RPS6KC1: variants seen among roughly 807,000 people sequenced by gnomAD.
RPS6KC1 encodes inactive ribosomal protein S6 kinase delta-1.
In RPS6KC1, 54 loss-of-function variants were observed where a neutral mutation model predicts 103.8. That is an observed-to-expected ratio of 0.52 (90% CI 0.42 to 0.65). The LOEUF (loss-of-function observed/expected upper bound fraction) is 0.65. RPS6KC1 is among the 30% of genes least tolerant of loss of function. RPS6KC1 has a pLI of 0.00. For missense variants in RPS6KC1, 1,151 were observed against 1,253.8 expected (o/e 0.92, Z 1.24); for synonymous variants, 439 against 438.7 (o/e 1.00, Z -0.01).
intron 8 of RPS6KC1, among the ~76,000 whole-genome samples, chr1:213,185,815 A>G (rs984649111): frequency 6.6e-6 from 1 of 150,392 alleles, no homozygotes; most frequent in African/African-American, 2.4e-5. Flanking sequence ...CTTTGTGGGT[A>G]AGTACTTTTC....
the RPS6KC1 span, among the ~76,000 whole-genome samples, chr1:213,716,878 AGTTT>A: frequency 2.6e-5 from 4 of 152,222 alleles, no homozygotes; most frequent in Admixed American, 1.3e-4. Context: ...TACTTGGGGA[AGTTT>A]GTTTATGTTT....
the RPS6KC1 span, among the ~76,000 whole-genome samples, chr1:213,415,249 A>G: frequency 1.1e-4 from 17 of 152,360 alleles, no homozygotes; most frequent in Non-Finnish European, 2.2e-4. Flanking sequence ...ATCGCAATTC[A>G]TACCAACTTA....
At chr1:213,057,702 G>T (rs1291178915) in intron 1 of RPS6KC1, among the ~76,000 whole-genome samples, 8 of 127,642 alleles carry the variant, frequency 6.3e-5, no homozygotes, top group Admixed American at 1.6e-4. Context: ...TATGACATTT[G>T]TAAATATTTT....
At chr1:213,255,294 C>G (rs897045585) in intron 12 of RPS6KC1, among the ~76,000 whole-genome samples, 43 of 151,018 alleles carry the variant, frequency 2.8e-4, no homozygotes, top group Non-Finnish European at 5.8e-4. Context: ...CCACTGCACT[C>G]CAGCCTAGGT....
At chr1:213,453,881 T>C in the RPS6KC1 span, among the ~76,000 whole-genome samples, 2 of 152,194 alleles carry the variant, frequency 1.3e-5, no homozygotes, top group Non-Finnish European at 2.9e-5. Context: ...TATACATGGA[T>C]ATTTTTCAAA....
chr1:213,435,971 T>A, the RPS6KC1 span, among the ~76,000 whole-genome samples: 1 of 152,110 alleles, frequency 6.6e-6, no homozygotes, highest in African/African-American at 2.4e-5. Context: ...CTGCTGCACA[T>A]CCTGGAATCC....
intron 6 of RPS6KC1, among the ~76,000 whole-genome samples, chr1:213,149,104 C>T (rs1223138676): frequency 1.3e-5 from 2 of 151,716 alleles, no homozygotes; most frequent in East Asian, 1.9e-4. Flanking sequence ...ATTTTGCTTA[C>T]GTTTTCAAAA....
chr1:213,161,010 G>A (rs749846908), intron 6 of RPS6KC1, among the ~76,000 whole-genome samples: 13 of 152,038 alleles, frequency 8.6e-5, no homozygotes, highest in Non-Finnish European at 1.6e-4. Context: ...AAAAAATAGT[G>A]GTGGCAAGTA....
the RPS6KC1 span, among the ~76,000 whole-genome samples, chr1:213,300,095 G>A: frequency 7.9e-5 from 12 of 152,038 alleles, no homozygotes; most frequent in South Asian, 4.1e-4. Flanking sequence ...GTGAGCCACC[G>A]CACCCCGCCG....
the RPS6KC1 span, among the ~76,000 whole-genome samples, chr1:213,815,660 T>C: frequency 6.6e-6 from 1 of 152,230 alleles, no homozygotes; most frequent in Non-Finnish European, 1.5e-5. Context: ...AGGCTTTGAC[T>C]CTAAGGGAAT....
intron 9 of RPS6KC1, 59 bp downstream of exon 9, chr1:213,230,603 G>T: frequency 7.7e-7 from 1 of 1,302,412 alleles, no homozygotes; most frequent in Middle Eastern, 2.2e-4. Context: ...GGGAGACTGA[G>T]ATAGGCAGGT....
At chr1:213,069,584 T>G (rs1163005287) in intron 1 of RPS6KC1, among the ~76,000 whole-genome samples, 1 of 152,200 alleles carries the variant, frequency 6.6e-6, no homozygotes, top group African/African-American at 2.4e-5. Flanking sequence ...TGGATTATAA[T>G]CCCTAGTTCA....
At chr1:213,096,668 GA>G (rs1039419610) in intron 3 of RPS6KC1, among the ~76,000 whole-genome samples, 78 of 142,510 alleles carry the variant, frequency 5.5e-4, no homozygotes, top group East Asian at 1.6e-3. Context: ...CTGTATCAAA[GA>G]AAAAAAAAAA....
intron 1 of RPS6KC1, among the ~76,000 whole-genome samples, chr1:213,059,963 G>A (rs371614292): frequency 2.6e-5 from 4 of 152,102 alleles, no homozygotes; most frequent in African/African-American, 7.2e-5. Context: ...GAGCCACTGC[G>A]CCTGGCCACA....
intron 3 of RPS6KC1, among the ~76,000 whole-genome samples, chr1:213,101,192 A>G (rs1277866257): frequency 1.3e-5 from 2 of 152,186 alleles, no homozygotes; most frequent in Non-Finnish European, 2.9e-5. Flanking sequence ...GATGTTGAGC[A>G]TATTTTCATG....
chr1:213,439,213 A>G, the RPS6KC1 span, among the ~76,000 whole-genome samples: 2 of 152,170 alleles, frequency 1.3e-5, no homozygotes, highest in Non-Finnish European at 1.5e-5. Context: ...GTGAATTGGC[A>G]TATGCCCTTA....
chr1:213,539,081 C>T, the RPS6KC1 span, among the ~76,000 whole-genome samples: 1 of 152,210 alleles, frequency 6.6e-6, no homozygotes, highest in African/African-American at 2.4e-5. Flanking sequence ...CCTGACTACT[C>T]ATCAGGCTTC....
chr1:213,594,606 A>G, the RPS6KC1 span, among the ~76,000 whole-genome samples: 2 of 152,214 alleles, frequency 1.3e-5, no homozygotes, highest in Admixed American at 6.5e-5. Context: ...CTTCATAATA[A>G]TAACAAAATC....
chr1:213,715,920 C>G, the RPS6KC1 span, among the ~76,000 whole-genome samples: 2 of 152,090 alleles, frequency 1.3e-5, no homozygotes, highest in Non-Finnish European at 1.5e-5. Context: ...GATTTGAATG[C>G]TTTTAAATAT....
Sources: allele counts gnomAD v4.1 joint callset (sites outside exome capture counted in the v4.1 genomes callset), GRCh38; gene constraint gnomAD v4.1.1; transcripts MANE v1.5; gene names NCBI Gene and HGNC (gene_info 2026-07-23, HGNC 2026-07-21).